Variants in CDC73 observed in about 807,000 individuals in gnomAD.
CDC73 encodes the protein cell division cycle 73.
Under a neutral mutation model 83.7 loss-of-function variants are expected in CDC73, and 21 were observed. The ratio of observed to expected loss-of-function variants is 0.25; its 90% CI spans 0.18 to 0.36. The LOEUF (loss-of-function observed/expected upper bound fraction) is 0.36, where lower values mean the gene tolerates loss of function less well. Ranked by LOEUF, CDC73 falls within the 10% of genes least tolerant of loss-of-function variation. The probability of loss-of-function intolerance (pLI) is 1.00; values close to 1 mark genes in which losing one functional copy is unlikely to be tolerated. For synonymous variants in CDC73, 224 were observed against 212.9 expected, an observed-to-expected ratio of 1.05 and a Z score of -0.45; for missense variants, 342 against 653.3, an observed-to-expected ratio of 0.52 and a Z score of 5.19.
chr1:193,204,284 TATA>T (rs754678290), intron 11 of CDC73, among the ~76,000 whole-genome samples: 8 of 140,946 alleles, frequency 5.7e-5, no homozygotes, highest in African/African-American at 1.3e-4. Flanking sequence ...TGTGTATATA[TATA>T]TTTTTTTTTT....
intron 1 of CDC73, among the ~76,000 whole-genome samples, chr1:193,124,452 C>G (rs939453035): frequency 6.6e-6 from 1 of 151,902 alleles, no homozygotes; most frequent in East Asian, 1.9e-4. Flanking sequence ...TTATAGTGGA[C>G]CATATTCAGA....
intron 13 of CDC73, among the ~76,000 whole-genome samples, chr1:193,230,447 C>T (rs1677641982): frequency 6.8e-6 from 1 of 147,204 alleles, no homozygotes; most frequent in African/African-American, 2.5e-5. Flanking sequence ...GCACCTCGCC[C>T]TAATCCCGTA....
intron 3 of CDC73, among the ~76,000 whole-genome samples, chr1:193,130,969 C>T (rs750090152): frequency 2.6e-5 from 4 of 152,078 alleles, no homozygotes; most frequent in Non-Finnish European, 5.9e-5. Flanking sequence ...TTGAAGTTTC[C>T]AAGACTTGAT....
chr1:193,203,679 CTGAG>C (rs1223901255), intron 10 of CDC73, 112 bp from the exon 11 acceptor site: 2 of 858,920 alleles, frequency 2.3e-6, no homozygotes, highest in Non-Finnish European at 3.9e-6. Flanking sequence ...GAGTAACCAA[CTGAG>C]TGAGAAAAAC....
intron 9 of CDC73, 76 bp downstream of exon 9, chr1:193,150,458 G>A: frequency 9.3e-7 from 1 of 1,070,120 alleles, no homozygotes; most frequent in Non-Finnish European, 1.5e-6. Flanking sequence ...TGATGTTTAA[G>A]GGTAAGGGTT....
At position 193,243,975 on chromosome 1, in the gene CDC73, A is replaced by C. The variant is rs1677907526; in HGVS notation, c.1418-5755A>C. Among the ~76,000 whole-genome samples the C allele has an allele frequency of 2.0e-5, 3 of 152,202 alleles. No homozygotes were observed. The South Asian group carries it at 6.2e-4, about 32-fold the overall frequency. ...ATCCATAAAATAGCTATCAGAAAAA[A>C]CTTTAAAAGTCAATTGTTTTCTCTT... On this transcript the variant is annotated intron_variant, in intron 15 of 16. Transcript: ENST00000367435.
At position 193,215,490 on chromosome 1, in the gene CDC73, T is replaced by A. The variant is rs2102041389; in HGVS notation, c.1154+3013T>A. Reference sequence around the variant, plus strand: ...TTATTATTTGTACTGTGGAGATACCTAACAAACATTCAGATTAAGAAATTA... The same window carrying A: ...TTATTATTTGTACTGTGGAGATACCAAACAAACATTCAGATTAAGAAATTA... On this transcript the variant is annotated intron_variant, in intron 13 of 16. Coordinates refer to ENST00000367435, the MANE Select transcript of CDC73 (RefSeq NM_024529.5). Among the ~76,000 whole-genome samples, 3 of 152,292 alleles carry A rather than the reference T, an allele frequency of 2.0e-5. No homozygotes were observed. In the South Asian group the frequency reaches 6.2e-4, roughly 32 times the overall value.
chr1:193,149,495 A>C (rs1676067754), intron 8 of CDC73, among the ~76,000 whole-genome samples: 2 of 152,190 alleles, frequency 1.3e-5, no homozygotes, highest in Non-Finnish European at 2.9e-5. Flanking sequence ...AAACCTTAAA[A>C]CAGTTTTACC....
intron 9 of CDC73, 142 bp downstream of exon 9, chr1:193,150,524 A>G (rs1676086563): frequency 2.1e-5 from 14 of 663,210 alleles, no homozygotes; most frequent in Admixed American, 7.2e-5. Flanking sequence ...CTTAAATAAC[A>G]TTTTGTTGGG....
intron 7 of CDC73, among the ~76,000 whole-genome samples, chr1:193,143,321 C>G (rs1005337980): frequency 5.9e-5 from 9 of 152,114 alleles, no homozygotes; most frequent in African/African-American, 2.2e-4. Flanking sequence ...TCTAGCATGG[C>G]TAATACTTGA....
chr1:193,249,079 G>A lies in CDC73; in HGVS notation c.1418-651G>A, dbSNP rs185078300. Among the ~76,000 whole-genome samples the A allele has an allele frequency of 7.1e-4, 108 of 152,140 alleles. 1 individual carries two copies. The highest frequency in any genetic ancestry group is 4.8e-4 in the African/African-American group (20 of 41,544). ...AGAGAAATCTTCTGTGAAAGGCAGA[G>A]TCAATCAGTGCAGCAAACTTCATTG... On this transcript the variant is annotated intron_variant, in intron 15 of 16. Coordinates refer to ENST00000367435, the MANE Select transcript of CDC73 (RefSeq NM_024529.5).
rs181442496 is a variant in CDC73, at chr1:193,133,142, C to T, written c.308-2249C>T. On this transcript the variant is annotated intron_variant, in intron 3 of 16. Coordinates refer to ENST00000367435, the MANE Select transcript of CDC73 (RefSeq NM_024529.5). ...GGTATCTATCTCCTGACCTTGTGAT[C>T]TGCCTGCCTCGGCCTCCCAAAGTGC... Among the ~76,000 whole-genome samples the T allele has an allele frequency of 8.0e-4, 121 of 152,130 alleles. 2 individuals carry two copies. The East Asian group carries it at 0.019, about 23-fold the overall frequency.
intron 13 of CDC73, among the ~76,000 whole-genome samples, chr1:193,220,130 T>C (rs1677440687): frequency 6.6e-6 from 1 of 151,956 alleles, no homozygotes; most frequent in African/African-American, 2.4e-5. Context: ...TGCTCTGGCT[T>C]CTTTCTCAGT....
chr1:193,198,511 G>A (rs968955377), intron 10 of CDC73, among the ~76,000 whole-genome samples: 3 of 152,222 alleles, frequency 2.0e-5, no homozygotes, highest in Non-Finnish European at 4.4e-5. Flanking sequence ...CACAAAACCT[G>A]CAGGTGCCTT....
chr1:193,135,625 T>C, intron 5 of CDC73, 36 bp downstream of exon 5: 1 of 1,487,736 alleles, frequency 6.7e-7, no homozygotes, highest in South Asian at 1.2e-5. Flanking sequence ...TTTATTTATA[T>C]TGTTATTGAA....
chr1:193,165,058 C>A (rs763435722), intron 10 of CDC73, among the ~76,000 whole-genome samples: 4 of 152,232 alleles, frequency 2.6e-5, no homozygotes, highest in Middle Eastern at 3.4e-3. Context: ...TTTTGGAAAT[C>A]TTTCTTTCTT....
intron 13 of CDC73, among the ~76,000 whole-genome samples, chr1:193,225,994 A>G (rs1049516666): frequency 3.9e-5 from 6 of 152,068 alleles, no homozygotes; most frequent in Admixed American, 6.6e-5. Context: ...CGGTGTCTAG[A>G]AGGGTTTTTC....
Position 193,253,966 on chromosome 1 carries a change from T to C in CDC73, c.*3254T>C, listed in dbSNP as rs1018831136. The stretch of plus-strand genomic sequence containing the variant: ...GGAATATTTGTTGAACTAAAGTATA[T>C]AAAATTTTTTGAGACTAGCAGTATA... On this transcript the variant is annotated 3_prime_UTR_variant, in exon 17 of 17. Coordinates refer to ENST00000367435, the MANE Select transcript of CDC73 (RefSeq NM_024529.5). 1.8e-5 allele frequency: 4 copies of C among 222,624 alleles called. No homozygotes were observed. Among genetic ancestry groups the C allele is most frequent in the African/African-American group, 8.9e-5 (4 of 44,806 alleles). The allele number at this position is 222,624 out of a possible 1,614,324, so 13.8% of individuals were successfully genotyped here. A position where few individuals can be genotyped will look rare whatever the true frequency, so the allele number is the denominator to read the frequency against.
At chr1:193,191,614 A>C (rs769761231) in intron 10 of CDC73, among the ~76,000 whole-genome samples, 3 of 152,004 alleles carry the variant, frequency 2.0e-5, no homozygotes, top group Non-Finnish European at 2.9e-5. Flanking sequence ...TCAAACTCCT[A>C]ACCTCAAGTG....
Sources: allele counts gnomAD v4.1 joint callset (sites outside exome capture counted in the v4.1 genomes callset), GRCh38; gene constraint gnomAD v4.1.1; transcripts MANE v1.5; gene names NCBI Gene and HGNC (gene_info 2026-07-23, HGNC 2026-07-21).